The following KCNIP4 variants were observed in gnomAD, a reference collection of about 807,000 sequenced individuals.
KCNIP4 encodes Kv channel-interacting protein 4.
Under a neutral mutation model 34.0 loss-of-function variants are expected in KCNIP4, and 12 were observed. The ratio of observed to expected loss-of-function variants is 0.35; its 90% CI spans 0.23 to 0.57. The LOEUF is 0.57. KCNIP4 is among the 20% of genes least tolerant of loss of function. The probability of loss-of-function intolerance (pLI) is 0.83; values close to 1 mark genes in which losing one functional copy is unlikely to be tolerated. For synonymous variants in KCNIP4, 124 were observed against 102.2 expected (o/e 1.21, Z -1.29); for missense variants, 238 against 311.7 (o/e 0.76, Z 1.78).
chr4:21,376,514 T>G (rs1420326718), intron 1 of KCNIP4, among the ~76,000 whole-genome samples: 1 of 152,180 alleles, frequency 6.6e-6, no homozygotes. Context: ...CCCCAGTCAT[T>G]CAAGTTAGCT....
intron 1 of KCNIP4, among the ~76,000 whole-genome samples, chr4:21,937,911 G>A (rs1193472019): frequency 1.3e-5 from 2 of 152,062 alleles, no homozygotes; most frequent in African/African-American, 4.8e-5. Context: ...TATTCCCAGT[G>A]TGCAAATGTG....
chr4:21,403,601 G>A (rs992934639), intron 1 of KCNIP4, among the ~76,000 whole-genome samples: 5 of 152,104 alleles, frequency 3.3e-5, no homozygotes, highest in Admixed American at 1.3e-4. Flanking sequence ...TAACCTAATA[G>A]AACGACTTCC....
At chr4:20,762,694 T>C (rs1319632436) in intron 3 of KCNIP4, among the ~76,000 whole-genome samples, 1 of 152,244 alleles carries the variant, frequency 6.6e-6, no homozygotes, top group Non-Finnish European at 1.5e-5. Context: ...AAATTAGGCC[T>C]TCAAATGTCC....
At chr4:21,873,460 A>G (rs1725923214) in intron 1 of KCNIP4, among the ~76,000 whole-genome samples, 1 of 152,228 alleles carries the variant, frequency 6.6e-6, no homozygotes, top group African/African-American at 2.4e-5. Context: ...TCAGTCCATC[A>G]GAATTAAAAG....
rs71655673 is a variant in KCNIP4, at chr4:21,894,334, C to CAAATAAATAAAT, written c.61+54225_61+54236dup. On this transcript the variant is annotated intron_variant, in intron 1 of 8. Coordinates refer to ENST00000382152, the MANE Select transcript of KCNIP4 (RefSeq NM_025221.6). Reference sequence around the variant, plus strand: ...TGGGTGACAAAGTGAGACCCAGTCTCAAATAAATAAATAAATAAATAAATA... The same window carrying CAAATAAATAAAT: ...TGGGTGACAAAGTGAGACCCAGTCTCAAATAAATAAATAAATAAATAAATAAATAAATAAATA... Among the ~76,000 whole-genome samples, 1,026 of 150,892 alleles carry CAAATAAATAAAT rather than the reference C, an allele frequency of 6.8e-3. 6 individuals are homozygous for CAAATAAATAAAT. The highest frequency in any genetic ancestry group is 0.02 in the Middle Eastern group (6 of 294).
chr4:21,210,539 T>C (rs1308675942), intron 1 of KCNIP4, among the ~76,000 whole-genome samples: 1 of 152,208 alleles, frequency 6.6e-6, no homozygotes, highest in Admixed American at 6.6e-5. Context: ...ATTTAAAAAA[T>C]CTTATAGCAG....
intron 1 of KCNIP4, among the ~76,000 whole-genome samples, chr4:21,224,776 G>A (rs1024587698): frequency 2.6e-5 from 4 of 151,194 alleles, no homozygotes; most frequent in African/African-American, 7.3e-5. Flanking sequence ...TAGTAGAGAC[G>A]GGGTTTCACC....
chr4:20,741,066 T>C (rs1346582400), intron 5 of KCNIP4, among the ~76,000 whole-genome samples: 2 of 151,760 alleles, frequency 1.3e-5, no homozygotes, highest in Non-Finnish European at 2.9e-5. Context: ...CCCAGATTCA[T>C]AAAACAAGTC....
At chr4:20,802,813 C>T (rs188258907) in intron 3 of KCNIP4, among the ~76,000 whole-genome samples, 3 of 152,222 alleles carry the variant, frequency 2.0e-5, no homozygotes, top group East Asian at 1.9e-4. Flanking sequence ...TGGTGGCTCA[C>T]GCCTGTAATC....
intron 1 of KCNIP4, among the ~76,000 whole-genome samples, chr4:21,628,370 A>G (rs1021421106): frequency 6.6e-6 from 1 of 152,156 alleles, no homozygotes; most frequent in African/African-American, 2.4e-5. Context: ...CTCTTGTGCT[A>G]AACTACTGGC....
intron 1 of KCNIP4, among the ~76,000 whole-genome samples, chr4:21,301,398 T>C (rs896394670): frequency 3.3e-5 from 5 of 152,170 alleles, no homozygotes; most frequent in African/African-American, 9.6e-5. Context: ...GTTGTAAGTT[T>C]ACATGAGGAG....
chr4:21,868,493 A>C (rs1400779671), intron 1 of KCNIP4, among the ~76,000 whole-genome samples: 1 of 152,174 alleles, frequency 6.6e-6, no homozygotes, highest in Non-Finnish European at 1.5e-5. Flanking sequence ...TTTTCAAAAG[A>C]CCTAACTTCT....
chr4:20,889,228 T>C (rs1275441596), intron 1 of KCNIP4, among the ~76,000 whole-genome samples: 1 of 152,100 alleles, frequency 6.6e-6, no homozygotes, highest in Non-Finnish European at 1.5e-5. Context: ...CAAAAAATGG[T>C]GCATTCTGCT....
In KCNIP4 at chr4:21,761,848, C is replaced by A. The variant is rs536907946; in HGVS notation, c.61+186723G>T. On this transcript the variant is annotated intron_variant, in intron 1 of 8. Coordinates refer to ENST00000382152, the MANE Select transcript of KCNIP4 (RefSeq NM_025221.6). The stretch of plus-strand genomic sequence containing the variant: ...TAAATGTCTAAATGGCTAAATGATG[C>A]GGAACAGGAAGTCCTAGTTATACAC... 3.9e-5 allele frequency among the ~76,000 whole-genome samples: 6 copies of A among 151,998 alleles called. No homozygotes were observed. In the South Asian group the frequency reaches 1.0e-3, roughly 26 times the overall value.
intron 1 of KCNIP4, among the ~76,000 whole-genome samples, chr4:20,921,291 A>G (rs553846090): frequency 6.6e-6 from 1 of 152,304 alleles, no homozygotes; most frequent in African/African-American, 2.4e-5. Flanking sequence ...GTGGAGGATG[A>G]GATGTAGGTT....
chr4:21,313,076 C>G (rs1163781092), intron 1 of KCNIP4, among the ~76,000 whole-genome samples: 1 of 152,154 alleles, frequency 6.6e-6, no homozygotes, highest in Non-Finnish European at 1.5e-5. Context: ...TAATCTTTAT[C>G]TAAATCAATA....
intron 1 of KCNIP4, among the ~76,000 whole-genome samples, chr4:21,935,775 CATTT>C (rs1729826406): frequency 6.6e-6 from 1 of 152,030 alleles, no homozygotes; most frequent in African/African-American, 2.4e-5. Flanking sequence ...CCACAACTCA[CATTT>C]ATAGGGCCTT....
At chr4:21,528,743 GAAAGAAAGAAAGAAAGAAAGA>G (rs1736285434) in intron 1 of KCNIP4, among the ~76,000 whole-genome samples, 1 of 6,886 alleles carries the variant, frequency 1.5e-4, no homozygotes. Context: ...AAGAAAGAAA[GAAAGAAAGAAAGAAAGAAAGA>G]AAGAAAGAAA....
intron 1 of KCNIP4, among the ~76,000 whole-genome samples, chr4:21,739,668 A>G (rs924282020): frequency 2.0e-5 from 3 of 152,090 alleles, no homozygotes; most frequent in African/African-American, 4.8e-5. Context: ...AAAACTCCCA[A>G]TGCTACCCAC....
Sources: gnomAD v4.1 joint callset for allele counts (sites outside exome capture counted in the v4.1 genomes callset) on GRCh38, gnomAD v4.1.1 for gene constraint, MANE v1.5 for transcripts, NCBI Gene and HGNC (gene_info 2026-07-23, HGNC 2026-07-21) for gene names.